The following RBFOX1 variants were observed in gnomAD, a reference collection of about 807,000 sequenced individuals.
RBFOX1 encodes the protein RNA binding fox-1 homolog 1, also known as RNA binding protein fox-1 homolog 1.
A neutral mutation model predicts 57.7 loss-of-function variants in RBFOX1; 8 were observed. The observed-to-expected ratio is 0.14, with a 90% CI of 0.08 to 0.25. The LOEUF (loss-of-function observed/expected upper bound fraction) is 0.25. Ranked by LOEUF, RBFOX1 falls within the 10% of genes least tolerant of loss-of-function variation. The pLI, the probability that RBFOX1 is intolerant of heterozygous loss-of-function variation, is 1.00. For missense variants in RBFOX1, 611 were observed against 548.5 expected, an observed-to-expected ratio of 1.11 and a Z score of -1.14; for synonymous variants, 326 against 222.4, an observed-to-expected ratio of 1.47 and a Z score of -4.15.
chr16:7,180,472 G>C (rs934768736), intron 4 of RBFOX1, among the ~76,000 whole-genome samples: 3 of 152,066 alleles, frequency 2.0e-5, no homozygotes, highest in African/African-American at 4.8e-5. Context: ...TTTTCAGAAA[G>C]TCTACACCAC....
At position 5,452,519 on chromosome 16, in the gene RBFOX1, C is replaced by A. The variant is rs552498211; in HGVS notation, c.220-14697C>A. ...TTCTCCTTTCATTCCCACTGCCTTT[C>A]GCCAGGACTGTTAGCACCCATTTCA... is the stretch of plus-strand genomic sequence containing the variant. On this transcript the variant is annotated intron_variant, in intron 1 of 2. Coordinates refer to the RBFOX1 transcript ENST00000585867. Among the ~76,000 whole-genome samples, 58 of 152,246 alleles carry A rather than the reference C, an allele frequency of 3.8e-4. No individual in the cohort carries two copies. In the Middle Eastern group the frequency reaches 0.024, roughly 62 times the overall value.
intron 2 of RBFOX1, among the ~76,000 whole-genome samples, chr16:6,425,127 T>C (rs1303781121): frequency 6.6e-6 from 1 of 152,180 alleles, no homozygotes; most frequent in Non-Finnish European, 1.5e-5. Context: ...TACCTTTTAG[T>C]AATATTATTT....
chr16:6,671,681 C>G (rs1387800553), intron 3 of RBFOX1, among the ~76,000 whole-genome samples: 3 of 152,188 alleles, frequency 2.0e-5, no homozygotes, highest in South Asian at 2.1e-4. Context: ...ATCCTCATAG[C>G]TTAGCTCCCA....
At chr16:5,609,113 T>C (rs1359846724) in intron 3 of RBFOX1, among the ~76,000 whole-genome samples, 3 of 152,158 alleles carry the variant, frequency 2.0e-5, no homozygotes, top group African/African-American at 2.4e-5. Flanking sequence ...ATGATTTTGC[T>C]AAGAAATAAA....
chr16:7,485,038 G>T (rs910533403), intron 4 of RBFOX1, among the ~76,000 whole-genome samples: 1 of 146,556 alleles, frequency 6.8e-6, no homozygotes, highest in Non-Finnish European at 1.5e-5. Flanking sequence ...TGTATGCAGG[G>T]TTACGTTCCC....
intron 2 of RBFOX1, among the ~76,000 whole-genome samples, chr16:6,616,828 C>T (rs754611878): frequency 1.3e-5 from 2 of 152,204 alleles, no homozygotes; most frequent in Non-Finnish European, 2.9e-5. Flanking sequence ...AATCTAACAT[C>T]ACGGAATGGC....
intron 1 of RBFOX1, among the ~76,000 whole-genome samples, chr16:5,465,458 G>A (rs780088837): frequency 4.6e-5 from 7 of 152,148 alleles, no homozygotes; most frequent in African/African-American, 1.4e-4. Flanking sequence ...TTTGTGGGGC[G>A]GGGTGCAGTT....
At chr16:5,784,888 T>C (rs1044237371) in intron 3 of RBFOX1, among the ~76,000 whole-genome samples, 1 of 152,144 alleles carries the variant, frequency 6.6e-6, no homozygotes, top group Non-Finnish European at 1.5e-5. Context: ...TGATCTTGGA[T>C]TTCCAGCCTC....
chr16:7,557,639 AAAAG>A lies in RBFOX1; in HGVS notation c.271-22134_271-22131del, dbSNP rs1301743996. 4.1e-5 allele frequency among the ~76,000 whole-genome samples: 4 copies of A among 98,092 alleles called. No individual in the cohort carries two copies. The Admixed American group carries it at 4.5e-4, about 11-fold the overall frequency. The allele number at this position is 98,092 out of a possible 152,430, so 64.4% of individuals were successfully genotyped here. On this transcript the variant is annotated intron_variant, in intron 5 of 15. Coordinates refer to ENST00000550418, the MANE Select transcript of RBFOX1 (RefSeq NM_018723.4). ...TGTCTCAAAAAAAAAAAAAAAAAAA[AAAAG>A]AAAAAGAAAAAAAAAAAGCATTTTC...
intron 5 of RBFOX1, among the ~76,000 whole-genome samples, chr16:7,551,105 AG>A (rs376131498): frequency 9.3e-5 from 14 of 151,054 alleles, no homozygotes; most frequent in South Asian, 4.2e-4. Flanking sequence ...AAAAAAAAAA[AG>A]AAAAAAAAAG....
At chr16:6,424,238 A>C (rs1022142789) in intron 2 of RBFOX1, among the ~76,000 whole-genome samples, 1 of 152,188 alleles carries the variant, frequency 6.6e-6, no homozygotes, top group Non-Finnish European at 1.5e-5. Flanking sequence ...GACTTGTTTC[A>C]AAACGAAACA....
At chr16:6,548,749 C>T (rs1018502226) in intron 2 of RBFOX1, among the ~76,000 whole-genome samples, 5 of 152,072 alleles carry the variant, frequency 3.3e-5, no homozygotes, top group East Asian at 2.0e-4. Flanking sequence ...TACCAGGCAT[C>T]GTTAGGTTTC....
intron 4 of RBFOX1, among the ~76,000 whole-genome samples, chr16:7,147,932 C>T (rs1255345499): frequency 6.6e-6 from 1 of 152,186 alleles, no homozygotes; most frequent in African/African-American, 2.4e-5. Context: ...TACATTCTCA[C>T]CAACAGTGTA....
intron 3 of RBFOX1, among the ~76,000 whole-genome samples, chr16:6,871,495 C>T (rs1055751458): frequency 6.6e-6 from 1 of 152,028 alleles, no homozygotes; most frequent in Non-Finnish European, 1.5e-5. Context: ...CTCAAAATCA[C>T]TCTTGACTCT....
At chr16:7,388,745 A>T (rs2097929842) in intron 4 of RBFOX1, among the ~76,000 whole-genome samples, 1 of 148,572 alleles carries the variant, frequency 6.7e-6, no homozygotes, top group Admixed American at 6.8e-5. Flanking sequence ...CGAGATATTC[A>T]ATACTATTAT....
At chr16:7,050,862 T>C (rs956149247) in intron 3 of RBFOX1, among the ~76,000 whole-genome samples, 1 of 152,172 alleles carries the variant, frequency 6.6e-6, no homozygotes, top group Non-Finnish European at 1.5e-5. Context: ...CTGCATATTT[T>C]TTTAAGAGCT....
chr16:5,327,672 A>C (rs1198105227), intron 1 of RBFOX1, among the ~76,000 whole-genome samples: 2 of 152,184 alleles, frequency 1.3e-5, no homozygotes, highest in African/African-American at 4.8e-5. Context: ...AACTTTGGAA[A>C]CAGAATGTAG....
At chr16:6,223,777 A>G (rs988378958) in intron 1 of RBFOX1, among the ~76,000 whole-genome samples, 1 of 152,136 alleles carries the variant, frequency 6.6e-6, no homozygotes, top group African/African-American at 2.4e-5. Flanking sequence ...GTCCTTGCCC[A>G]TGTCTATGTC....
At chr16:5,821,709 A>G (rs1351658007) in intron 3 of RBFOX1, among the ~76,000 whole-genome samples, 1 of 152,226 alleles carries the variant, frequency 6.6e-6, no homozygotes, top group East Asian at 1.9e-4. Context: ...AAGCACAAAC[A>G]TTAATTTTCT....
Sources: allele counts gnomAD v4.1 joint callset (sites outside exome capture counted in the v4.1 genomes callset), GRCh38; gene constraint gnomAD v4.1.1; transcripts MANE v1.5; gene names NCBI Gene and HGNC (gene_info 2026-07-23, HGNC 2026-07-21).